Variants in FES observed in about 807,000 individuals in gnomAD.
FES encodes tyrosine-protein kinase Fes/Fps.
FES carries 83 observed loss-of-function variants against 109.6 expected under a neutral mutation model. That is an observed-to-expected ratio of 0.76 (90% CI 0.63 to 0.91). The LOEUF (loss-of-function observed/expected upper bound fraction) is 0.91. Ranked by LOEUF, FES falls within the 40% of genes least tolerant of loss-of-function variation. FES has a pLI of 0.00. For missense variants in FES, 943 were observed against 1,070.9 expected, an observed-to-expected ratio of 0.88 and a Z score of 1.67; for synonymous variants, 458 against 442.1, an observed-to-expected ratio of 1.04 and a Z score of -0.45.
chr15:90,895,640 C>T lies in FES; in HGVS notation c.*82C>T. 1 of 1,305,056 alleles carries T rather than the reference C, an allele frequency of 7.7e-7. No homozygotes were observed. Among genetic ancestry groups the T allele is most frequent in the South Asian group, 1.6e-5 (1 of 63,162 alleles). 80.8% of individuals were successfully genotyped at this position (1,305,056 alleles called of 1,614,324 possible). A position where few individuals can be genotyped will look rare whatever the true frequency, so the allele number is the denominator to read the frequency against. ...GCGGCTCCAGCTCATATGCTGACAG[C>T]TCTTCACAGTCCTGGACTCCTGCCA... is the stretch of plus-strand genomic sequence containing the variant. On this transcript the variant is annotated 3_prime_UTR_variant, in exon 19 of 19. Coordinates refer to ENST00000328850, the MANE Select transcript of FES (RefSeq NM_002005.4).
At position 90,890,235 on chromosome 15, in the gene FES, C is replaced by T; in HGVS notation, c.1193C>T (p.Pro398Leu). The T allele has an allele frequency of 1.3e-6, 2 of 1,598,962 alleles. No homozygotes were observed. The highest frequency in any genetic ancestry group is 1.7e-6 in the Non-Finnish European group (2 of 1,177,426). ...LEHLGPGEPP[P>L]VLLLQDDRHS... is the part of the protein sequence containing the mutation. ...CACCTGGGCCCCGGCGAGCCCCCGC[C>T]TGTGCTGCTCCTGCAGGATGACCGC... Residue 398 changes from proline (P) to leucine (L), a missense_variant, in exon 9 of 19, where the codon CCT (proline) becomes CTT (leucine). Physicochemically the swap from Pro to Leu is moderately conservative, Grantham distance 98 (BLOSUM62 -3). Coordinates refer to ENST00000328850, the MANE Select transcript of FES (RefSeq NM_002005.4).
At chr15:90,893,836 ACTCCATGGCCAGAGGC>A in intron 17 of FES, 25 bp downstream of exon 17, 2 of 1,596,068 alleles carry the variant, frequency 1.3e-6, no homozygotes, top group Non-Finnish European at 8.5e-7. Context: ...TCTACCCTGG[ACTCCATGGCCAGAGGC>A]CAGGCCTGGG....
In FES at chr15:90,892,083, A is replaced by T. The variant is rs1258875355; in HGVS notation, c.1679A>T (p.Asp560Val). 6.2e-7 allele frequency: 1 copy of T among 1,613,968 alleles called. No homozygotes were observed. The highest frequency in any genetic ancestry group is 8.5e-7 in the Non-Finnish European group (1 of 1,179,986). Residue 560 changes from aspartate (D) to valine (V), a missense_variant, in exon 13 of 19, where the codon GAC becomes GTC. Coordinates refer to ENST00000328850, the MANE Select transcript of FES (RefSeq NM_002005.4). ...GACAAGTGGGTGCTGAACCATGAGG[A>T]CCTGGTGTTGGGTGAGCAGATTGGA... ...PKDKWVLNHE[D>V]LVLGEQIGRG... is the part of the protein sequence containing the mutation.
In FES at chr15:90,889,696, T is replaced by A; in HGVS notation, c.926+60T>A. 6.2e-7 allele frequency: 1 copy of A among 1,608,210 alleles called. No homozygotes were observed. On this transcript the variant is annotated intron_variant, in intron 7 of 18. Coordinates refer to ENST00000328850, the MANE Select transcript of FES (RefSeq NM_002005.4). This position sits in a 1 kb window ranked among gnomAD's most constrained non-coding sequence, Gnocchi z 6.1. ...GCTCCCAGCAGACCACGAGTGTTTA[T>A]GTAGGCAGGGCTAGGTCGTGGAGAC...
chr15:90,885,638 G>A (rs762258619), intron 3 of FES, 53 bp downstream of exon 3: 53 of 1,578,330 alleles, frequency 3.4e-5, no homozygotes, highest in African/African-American at 9.5e-5. Context: ...TTTGAGCCTC[G>A]AAGGGGTTGT....
chr15:90,889,136 A>G lies in FES; in HGVS notation c.669-170A>G. ...AGTGTCCCTCTTATATATATCAGGA[A>G]ATAGAAGATTAGGGAGAGGTTAAAT... On this transcript the variant is annotated intron_variant, in intron 5 of 18. Transcript: ENST00000328850. This position sits in a 1 kb window ranked among gnomAD's most constrained non-coding sequence, Gnocchi z 6.1. The G allele has an allele frequency of 1.3e-6, 1 of 771,292 alleles. No individual in the cohort carries two copies. Among genetic ancestry groups the G allele is most frequent in the Non-Finnish European group, 2.0e-6 (1 of 489,314 alleles). 47.8% of individuals were successfully genotyped at this position (771,292 alleles called of 1,614,324 possible).
chr15:90,892,146 C>T (rs771236654), intron 13 of FES, 35 bp downstream of exon 13: 10 of 1,612,784 alleles, frequency 6.2e-6, no homozygotes, highest in South Asian at 5.5e-5. Flanking sequence ...TTGTCGCTGG[C>T]GACTTCTCCT....
chr15:90,890,236 T>A lies in FES; in HGVS notation c.1194T>A (p.Pro398=). The A allele has an allele frequency of 6.3e-7, 1 of 1,599,036 alleles. No individual in the cohort carries two copies. Among genetic ancestry groups the A allele is most frequent in the Non-Finnish European group, 8.5e-7 (1 of 1,177,450 alleles). The change falls in exon 9 of 19, where the codon CCT becomes CCA. Residue 398 remains proline, a synonymous_variant. Transcript: ENST00000328850. The part of the protein sequence containing the change: ...LEHLGPGEPP[P]VLLLQDDRHS... ...ACCTGGGCCCCGGCGAGCCCCCGCC[T>A]GTGCTGCTCCTGCAGGATGACCGCC...
chr15:90,891,028 A>G lies in FES; in HGVS notation c.1367A>G (p.His456Arg). Residue 456 changes from histidine (H) to arginine (R), a missense_variant, in exon 11 of 19, where the codon CAT (histidine) becomes CGT (arginine). Physicochemically the swap from His to Arg is conservative, Grantham distance 29. Transcript: ENST00000328850. ...QLIPEVQKPLHEQLWYHGAIP... is the reference protein window; with the variant it reads ...QLIPEVQKPLREQLWYHGAIP... ...ATTCCGGAGGTGCAGAAGCCCCTGCATGAGCAGCTGTGGTACCACGGGGCC... is the reference window on the plus strand; with the variant it reads ...ATTCCGGAGGTGCAGAAGCCCCTGCGTGAGCAGCTGTGGTACCACGGGGCC... 1 of 1,598,814 alleles carries G rather than the reference A, an allele frequency of 6.3e-7. No homozygotes were observed. Among genetic ancestry groups the G allele is most frequent in the Non-Finnish European group, 8.5e-7 (1 of 1,172,538 alleles).
Position 90,889,430 on chromosome 15 carries a change from C to G in FES, c.793C>G (p.Leu265Val), listed in dbSNP as rs749520980. 1.2e-5 allele frequency: 19 copies of G among 1,613,984 alleles called. No individual in the cohort carries two copies. In the Admixed American group the frequency reaches 2.8e-4, roughly 24 times the overall value. The change falls in exon 6 of 19, where the codon CTG (leucine) becomes GTG (valine). Residue 265 changes from leucine (L) to valine (V), a missense_variant. Coordinates refer to ENST00000328850, the MANE Select transcript of FES (RefSeq NM_002005.4). This position sits in a 1 kb window ranked among gnomAD's most constrained non-coding sequence, Gnocchi z 6.1. The part of the protein sequence containing the change: ...IQPEAEYQGF[L>V]RQYGSAPDVP... ...GCCTGAGGCTGAGTACCAAGGCTTCCTGCGACAGTATGGGTAAGCCCCGTC... is the reference window on the plus strand; with the variant it reads ...GCCTGAGGCTGAGTACCAAGGCTTCGTGCGACAGTATGGGTAAGCCCCGTC...
chr15:90,885,289 G>C, intron 2 of FES, 31 bp downstream of exon 2: 2 of 1,590,938 alleles, frequency 1.3e-6, no homozygotes, highest in African/African-American at 1.4e-5. Context: ...GGTGGGTGCT[G>C]GCTGTATCTG....
At chr15:90,891,954 C>T (rs2033258718) in intron 12 of FES, 104 bp from the exon 13 acceptor site, 1 of 1,294,804 alleles carries the variant, frequency 7.7e-7, no homozygotes, top group Non-Finnish European at 1.0e-6. Context: ...GGTCCCACCC[C>T]TGGTCACATA....
chr15:90,885,620 G>T, intron 3 of FES, 35 bp downstream of exon 3: 2 of 1,596,326 alleles, frequency 1.3e-6, no homozygotes, highest in Middle Eastern at 1.7e-4. Context: ...GGTCATTTCT[G>T]TCTAAATTTT....
At chr15:90,893,840 C>G in intron 17 of FES, 29 bp downstream of exon 17, 1 of 1,597,384 alleles carries the variant, frequency 6.3e-7, no homozygotes, top group Non-Finnish European at 8.5e-7. Flanking sequence ...CCCTGGACTC[C>G]ATGGCCAGAG....
rs931289184 is a variant in FES at position 90,890,092 on chromosome 15, G to T, written c.1050G>T (p.Arg350=). 6.4e-7 allele frequency: 1 copy of T among 1,553,480 alleles called. No homozygotes were observed. The highest frequency in any genetic ancestry group is 8.7e-7 in the Non-Finnish European group (1 of 1,152,442). Residue 350 remains arginine, a splice_region_variant and synonymous_variant, in exon 9 of 19, where the codon CGG becomes CGT. Coordinates refer to ENST00000328850, the MANE Select transcript of FES (RefSeq NM_002005.4). ...CCCTCCCACCCGCCCCTGCCTGCAG[G>T]GTGCAGCTGCTGGGCAAGAGGCAAG... ...NEEENTHPRE[R]VQLLGKRQVL...
In FES at chr15:90,895,651, C is replaced by T. The variant is rs1291512014; in HGVS notation, c.*93C>T. 2 of 1,167,310 alleles carry T rather than the reference C, an allele frequency of 1.7e-6. No homozygotes were observed. The highest frequency in any genetic ancestry group is 2.3e-6 in the Non-Finnish European group (2 of 865,708). The allele number at this position is 1,167,310 out of a possible 1,614,324, so 72.3% of individuals were successfully genotyped here. On this transcript the variant is annotated 3_prime_UTR_variant, in exon 19 of 19. Coordinates refer to ENST00000328850, the MANE Select transcript of FES (RefSeq NM_002005.4). ...TCATATGCTGACAGCTCTTCACAGT[C>T]CTGGACTCCTGCCACCAGCATCCAC...
intron 13 of FES, 81 bp downstream of exon 13, chr15:90,892,192 G>A (rs12909124): frequency 0.4 from 611,504 of 1,514,724 alleles, 133,006 homozygotes; most frequent in East Asian, 0.8. Flanking sequence ...ACCACCCAGA[G>A]ACCTCCCTGC....
intron 11 of FES, 150 bp downstream of exon 11, chr15:90,891,341 C>T (rs1272918090): frequency 1.2e-5 from 13 of 1,113,910 alleles, no homozygotes; most frequent in Non-Finnish European, 1.5e-5. Flanking sequence ...CAGAGACCAC[C>T]CTGTCCCTGC....
intron 13 of FES, 132 bp downstream of exon 13, chr15:90,892,243 C>A: frequency 1.1e-6 from 1 of 935,180 alleles, no homozygotes; most frequent in Non-Finnish European, 1.7e-6. Flanking sequence ...CCCTGCCCAG[C>A]CCCCACCACA....
Sources: gnomAD v4.1 joint callset for allele counts on GRCh38, gnomAD v4.1.1 for gene constraint, Gnocchi (gnomAD v3.1) non-coding constraint, MANE v1.5 for transcripts, NCBI Gene and HGNC (gene_info 2026-07-23, HGNC 2026-07-21) for gene names.